GPHN: variants seen among roughly 807,000 people sequenced by gnomAD.
GPHN encodes gephyrin.
Under a neutral mutation model 95.5 loss-of-function variants are expected in GPHN, and 17 were observed. That is an observed-to-expected ratio of 0.18 (90% CI 0.12 to 0.27). GPHN has a LOEUF of 0.27. Among genes scored for constraint, GPHN ranks in the 10% least tolerant of loss-of-function variants. GPHN has a pLI of 1.00. For missense variants in GPHN, 660 were observed against 978.1 expected, an observed-to-expected ratio of 0.67 and a Z score of 4.34; for synonymous variants, 320 against 322.5, an observed-to-expected ratio of 0.99 and a Z score of 0.08.
At chr14:67,716,041 A>C in the GPHN span, among the ~76,000 whole-genome samples, 6 of 151,936 alleles carry the variant, frequency 3.9e-5, no homozygotes, top group Non-Finnish European at 7.4e-5. Context: ...TAAAAATACA[A>C]AAAAAATTAG....
chr14:66,988,582 T>G (rs1475588363), intron 9 of GPHN, among the ~76,000 whole-genome samples: 1 of 152,084 alleles, frequency 6.6e-6, no homozygotes, highest in Admixed American at 6.6e-5. Context: ...AAATTAGCAG[T>G]AAGTACCTTC....
intron 9 of GPHN, among the ~76,000 whole-genome samples, chr14:66,977,801 G>T (rs1430991296): frequency 6.6e-6 from 1 of 152,056 alleles, no homozygotes; most frequent in African/African-American, 2.4e-5. Context: ...TTTGGTTTTT[G>T]TTTGTGTATT....
At chr14:66,823,439 T>C (rs1279161928) in intron 3 of GPHN, 1 of 152,226 alleles carries the variant, frequency 6.6e-6, no homozygotes, top group African/African-American at 2.4e-5. Context: ...ACCTGTATTA[T>C]AATAATCATT....
At chr14:66,622,494 A>G (rs2063350077) in intron 1 of GPHN, among the ~76,000 whole-genome samples, 2 of 152,188 alleles carry the variant, frequency 1.3e-5, no homozygotes, top group Admixed American at 1.3e-4. Flanking sequence ...ATTTCTCCTC[A>G]GAAAATGGGA....
intron 1 of GPHN, among the ~76,000 whole-genome samples, chr14:66,651,355 G>A (rs188345680): frequency 6.6e-6 from 1 of 152,286 alleles, no homozygotes; most frequent in African/African-American, 2.4e-5. Context: ...AATTATGGGG[G>A]TGATGAAGGA....
chr14:66,674,250 C>G (rs767005688), intron 1 of GPHN, among the ~76,000 whole-genome samples: 12 of 151,960 alleles, frequency 7.9e-5, no homozygotes, highest in African/African-American at 1.2e-4. Context: ...AGACGCCCAC[C>G]ACCACTCCTG....
the GPHN span, among the ~76,000 whole-genome samples, chr14:67,403,258 G>T: frequency 1.3e-5 from 2 of 152,122 alleles, no homozygotes; most frequent in Non-Finnish European, 2.9e-5. Context: ...TGCCCATTTT[G>T]CATTGATGCA....
downstream of GPHN, among the ~76,000 whole-genome samples, chr14:67,184,895 GA>G (rs2083361177): frequency 6.6e-6 from 1 of 152,140 alleles, no homozygotes; most frequent in African/African-American, 2.4e-5. Flanking sequence ...GGCATGAGGG[GA>G]AAAACAGTTT....
chr14:66,569,933 A>G (rs1595015277), intron 1 of GPHN, among the ~76,000 whole-genome samples: 9 of 151,822 alleles, frequency 5.9e-5, no homozygotes, highest in Admixed American at 5.9e-4. Context: ...GATGACCAAC[A>G]CCTCCTCAAT....
chr14:66,869,882 C>T (rs1228055063), intron 4 of GPHN, among the ~76,000 whole-genome samples: 2 of 152,188 alleles, frequency 1.3e-5, no homozygotes, highest in Non-Finnish European at 1.5e-5. Context: ...TTCTAATTCA[C>T]ATAGCAAAAC....
the GPHN span, among the ~76,000 whole-genome samples, chr14:67,275,670 T>C: frequency 6.6e-6 from 1 of 152,194 alleles, no homozygotes; most frequent in Non-Finnish European, 1.5e-5. Context: ...CTTTTTCTAT[T>C]GATTGCAATA....
the GPHN span, chr14:67,473,964 A>G: frequency 1.3e-6 from 2 of 1,559,712 alleles, no homozygotes; most frequent in Non-Finnish European, 1.7e-6. The surrounding 1 kb of genome is among the most constrained non-coding windows in gnomAD (Gnocchi z 6.5). Context: ...CAAGAGAGAC[A>G]GGTGAGGGCC....
chr14:67,721,639 C>T, the GPHN span, among the ~76,000 whole-genome samples: 1 of 152,018 alleles, frequency 6.6e-6, no homozygotes, highest in African/African-American at 2.4e-5. Context: ...AGATACGAAT[C>T]AGAACAGCTA....
the GPHN span, chr14:67,615,763 A>G: frequency 2.0e-6 from 1 of 498,846 alleles, no homozygotes; most frequent in Non-Finnish European, 3.8e-6. Flanking sequence ...ATCCCAATGC[A>G]CCCCAGAGGT....
At chr14:66,775,901 GTC>G (rs1190157473) in intron 2 of GPHN, among the ~76,000 whole-genome samples, 4 of 152,084 alleles carry the variant, frequency 2.6e-5, no homozygotes, top group Non-Finnish European at 5.9e-5. Flanking sequence ...GGGCACACAC[GTC>G]TCTCTGACTC....
intron 5 of GPHN, among the ~76,000 whole-genome samples, chr14:66,891,936 C>T (rs754223083): frequency 5.9e-5 from 9 of 152,128 alleles, no homozygotes; most frequent in Non-Finnish European, 1.0e-4. Flanking sequence ...TACAACTTCA[C>T]ACCCATTACG....
intron 10 of GPHN, among the ~76,000 whole-genome samples, chr14:67,038,803 C>G (rs1048408048): frequency 3.3e-5 from 5 of 152,182 alleles, no homozygotes; most frequent in African/African-American, 1.2e-4. Flanking sequence ...TTCTTTTATA[C>G]AATTACACTC....
intron 9 of GPHN, among the ~76,000 whole-genome samples, chr14:67,001,056 T>C (rs1378118647): frequency 6.6e-6 from 1 of 151,560 alleles, no homozygotes; most frequent in Non-Finnish European, 1.5e-5. Flanking sequence ...ATTTAAAGTT[T>C]AAGATGAGGG....
chr14:67,562,409 G>A, the GPHN span: 21 of 1,613,766 alleles, frequency 1.3e-5, no homozygotes, highest in East Asian at 4.0e-4. Context: ...ACCTCATCTG[G>A]GAAGAGAGAG....
Sources: gnomAD v4.1 joint callset for allele counts (sites outside exome capture counted in the v4.1 genomes callset) on GRCh38, gnomAD v4.1.1 for gene constraint, Gnocchi (gnomAD v3.1) non-coding constraint, MANE v1.5 for transcripts, NCBI Gene and HGNC (gene_info 2026-07-23, HGNC 2026-07-21) for gene names.